CERT1: variants seen among roughly 807,000 people sequenced by gnomAD.
CERT1 encodes ceramide transporter 1.
Under a neutral mutation model 87.9 loss-of-function variants are expected in CERT1, and 31 were observed. That is an observed-to-expected ratio of 0.35 (90% CI 0.27 to 0.48). The LOEUF (loss-of-function observed/expected upper bound fraction) is 0.48. Ranked by LOEUF, CERT1 falls within the 20% of genes least tolerant of loss-of-function variation. CERT1 has a pLI of 0.99. For synonymous variants in CERT1, 289 were observed against 250.9 expected, an observed-to-expected ratio of 1.15 and a Z score of -1.44; for missense variants, 487 against 758.0, an observed-to-expected ratio of 0.64 and a Z score of 4.20.
chr5:75,466,021 G>A (rs1236339527), intron 2 of CERT1, among the ~76,000 whole-genome samples: 1 of 152,094 alleles, frequency 6.6e-6, no homozygotes, highest in Non-Finnish European at 1.5e-5. Context: ...ACATAGTGGG[G>A]AATTCCTCAA....
At chr5:75,451,062 G>T (rs1764749924) in intron 3 of CERT1, among the ~76,000 whole-genome samples, 1 of 152,052 alleles carries the variant, frequency 6.6e-6, no homozygotes, top group Admixed American at 6.6e-5. Flanking sequence ...CTCGACAACT[G>T]AATTGTTTTT....
At chr5:75,497,855 G>C (rs1409668823) in intron 2 of CERT1, among the ~76,000 whole-genome samples, 1 of 152,186 alleles carries the variant, frequency 6.6e-6, no homozygotes, top group Non-Finnish European at 1.5e-5. Context: ...AAATGTGGAA[G>C]CAACTCTGGA....
At chr5:75,475,695 C>A (rs190252748) in intron 2 of CERT1, among the ~76,000 whole-genome samples, 1 of 148,786 alleles carries the variant, frequency 6.7e-6, no homozygotes, top group Non-Finnish European at 1.5e-5. Flanking sequence ...TAATATTAGC[C>A]TTTTTTTTTT....
At chr5:75,372,070 A>G (rs1343131766) in intron 17 of CERT1, 2 of 152,228 alleles carry the variant, frequency 1.3e-5, no homozygotes, top group East Asian at 3.8e-4. Context: ...TATTTACAGA[A>G]TCAATTGCAA....
rs185380820 is a variant in CERT1, at chr5:75,498,386, C to G, written c.231+7596G>C. The stretch of plus-strand genomic sequence containing the variant: ...GTCCGAGACCTTCATGGCAGCCCCT[C>G]CCATCAAACACCTGGAGGCCTAGGA... On this transcript the variant is annotated intron_variant, in intron 2 of 16. Transcript: ENST00000643780. Among the ~76,000 whole-genome samples, 11 of 152,306 alleles carry G rather than the reference C, an allele frequency of 7.2e-5. No homozygotes were observed. The East Asian group carries it at 2.1e-3, about 29-fold the overall frequency.
chr5:75,399,308 A>G lies in CERT1; in HGVS notation c.1188+2T>C. 1 of 1,603,098 alleles carries G rather than the reference A, an allele frequency of 6.2e-7. No homozygotes were observed. The highest frequency in any genetic ancestry group is 8.5e-7 in the Non-Finnish European group (1 of 1,170,030). On this transcript the variant is annotated splice_donor_variant, in intron 11 of 16. Coordinates refer to ENST00000643780, the MANE Select transcript of CERT1 (RefSeq NM_001379029.1). LOFTEE classifies it high-confidence loss of function. ...AGTCCACTCTATACATTCATACAGT[A>G]CCTGGGAGCTGAATCTGTGAACATC...
At chr5:75,411,142 G>C in intron 7 of CERT1, 39 bp from the exon 8 acceptor site, 1 of 1,142,808 alleles carries the variant, frequency 8.8e-7, no homozygotes, top group South Asian at 1.4e-5. Context: ...TTTGAGGCAG[G>C]CATTTTAATT....
chr5:75,432,176 T>C (rs1308741741), intron 3 of CERT1, among the ~76,000 whole-genome samples: 1 of 151,622 alleles, frequency 6.6e-6, no homozygotes, highest in Non-Finnish European at 1.5e-5. Context: ...CTCAGCCTCC[T>C]GAATAGCTGG....
At chr5:75,407,025 GAAAA>G (rs1322857433) in intron 8 of CERT1, among the ~76,000 whole-genome samples, 1 of 152,016 alleles carries the variant, frequency 6.6e-6, no homozygotes, top group Non-Finnish European at 1.5e-5. Context: ...ATTGTTACAA[GAAAA>G]GATAGATGGT....
At chr5:75,487,409 T>C (rs887702613) in intron 2 of CERT1, among the ~76,000 whole-genome samples, 27 of 152,078 alleles carry the variant, frequency 1.8e-4, no homozygotes, top group African/African-American at 6.3e-4. Context: ...CTCCAGAACA[T>C]TGTACTGGTC....
Position 75,511,292 on chromosome 5 carries a change from G to T in CERT1, c.-85C>A. ...CGCCCAGTCCTCGGGGTGAAGGGTC[G>T]GGGGATGGCGAAGCGAAGAGTGCCC... On this transcript the variant is annotated 5_prime_UTR_variant, in exon 1 of 17. Coordinates refer to ENST00000643780, the MANE Select transcript of CERT1 (RefSeq NM_001379029.1). 1 of 1,566,616 alleles carries T rather than the reference G, an allele frequency of 6.4e-7. No individual in the cohort carries two copies. Among genetic ancestry groups the T allele is most frequent in the Non-Finnish European group, 8.7e-7 (1 of 1,155,988 alleles).
chr5:75,437,613 A>G (rs1436042925), intron 3 of CERT1, among the ~76,000 whole-genome samples: 1 of 151,894 alleles, frequency 6.6e-6, no homozygotes, highest in Non-Finnish European at 1.5e-5. Flanking sequence ...TAAAAATATG[A>G]AAATTAGCTG....
chr5:75,503,437 T>G (rs1767478301), intron 2 of CERT1, among the ~76,000 whole-genome samples: 1 of 152,014 alleles, frequency 6.6e-6, no homozygotes, highest in Non-Finnish European at 1.5e-5. Context: ...ACTATTACAT[T>G]TATTTATTTA....
intron 9 of CERT1, chr5:75,401,245 G>A (rs567376251): frequency 6.6e-6 from 1 of 152,226 alleles, no homozygotes; most frequent in East Asian, 1.9e-4. Flanking sequence ...TTGATTGGAT[G>A]GCCCCATGAA....
rs762433861 is a variant in CERT1, at chr5:75,379,636, A to G, written c.1748-163T>C. Reference sequence around the variant, plus strand: ...GAGTCTTGCTCTGTTGCCAGGGTGCAGTGCAGTGGCGCGATCTTGGCTCAC... The same window carrying G: ...GAGTCTTGCTCTGTTGCCAGGGTGCGGTGCAGTGGCGCGATCTTGGCTCAC... On this transcript the variant is annotated intron_variant, in intron 16 of 16. Transcript: ENST00000643780. Among the ~76,000 whole-genome samples, 7 of 151,826 alleles carry G rather than the reference A, an allele frequency of 4.6e-5. No homozygotes were observed. In the East Asian group the frequency reaches 7.7e-4, roughly 17 times the overall value.
At chr5:75,401,046 T>C (rs979627364) in intron 9 of CERT1, 1 of 152,198 alleles carries the variant, frequency 6.6e-6, no homozygotes, top group Non-Finnish European at 1.5e-5. Flanking sequence ...ACACTGAATA[T>C]GAAGAGGGAA....
intron 5 of CERT1, among the ~76,000 whole-genome samples, chr5:75,420,367 G>A (rs562579753): frequency 4.5e-4 from 67 of 148,516 alleles, no homozygotes; most frequent in African/African-American, 1.3e-3. Flanking sequence ...TTTTTGAGGC[G>A]GAGTCTTGCT....
chr5:75,368,718 C>T (rs1347553902), intron 17 of CERT1: 3 of 152,092 alleles, frequency 2.0e-5, no homozygotes, highest in African/African-American at 7.3e-5. Context: ...CTTTACTGCC[C>T]TCCTTTCTGT....
At chr5:75,377,577 G>A (rs1336943116), downstream of CERT1, 1 of 152,168 alleles carries the variant, frequency 6.6e-6, no homozygotes, top group Admixed American at 6.5e-5. Context: ...AGACCTTCAA[G>A]ATAAAATAAA....
Sources: gnomAD v4.1 joint callset for allele counts (sites outside exome capture counted in the v4.1 genomes callset) on GRCh38, gnomAD v4.1.1 for gene constraint, MANE v1.5 for transcripts, NCBI Gene and HGNC (gene_info 2026-07-23, HGNC 2026-07-21) for gene names.